Variants in RGS22 observed in about 807,000 individuals in gnomAD.
RGS22 encodes the protein regulator of G-protein signaling 22.
RGS22 carries 148 observed loss-of-function variants against 172.9 expected under a neutral mutation model. That is an observed-to-expected ratio of 0.86 (90% CI 0.75 to 0.98). RGS22 has a LOEUF of 0.98. RGS22 is among the 50% of genes least tolerant of loss of function. The probability of loss-of-function intolerance (pLI) is 0.00; values close to 1 mark genes in which losing one functional copy is unlikely to be tolerated. For synonymous variants in RGS22, 458 were observed against 480.2 expected (o/e 0.95, Z 0.60); for missense variants, 1,347 against 1,440.8 (o/e 0.93, Z 1.05).
intron 21 of RGS22, 60 bp downstream of exon 21, chr8:99,987,397 TG>T (rs1813210604): frequency 7.6e-7 from 1 of 1,322,484 alleles, no homozygotes; most frequent in Non-Finnish European, 1.0e-6. Context: ...GTTAAAAATC[TG>T]ACATTTTAAT....
At chr8:100,073,442 CAA>C (rs1021313792) in intron 4 of RGS22, among the ~76,000 whole-genome samples, 3 of 140,984 alleles carry the variant, frequency 2.1e-5, no homozygotes, top group African/African-American at 7.9e-5. Flanking sequence ...AAAAAAAAAA[CAA>C]AAAAAACATG....
intron 14 of RGS22, among the ~76,000 whole-genome samples, chr8:100,022,213 A>G (rs997813918): frequency 6.6e-6 from 1 of 152,202 alleles, no homozygotes; most frequent in African/African-American, 2.4e-5. Context: ...GAGGCAAACT[A>G]CTGCAGAGAT....
rs767475783 is a variant in RGS22, at chr8:100,063,752, G to T, written c.1016C>A (p.Thr339Asn). The T allele has an allele frequency of 8.1e-6, 13 of 1,613,918 alleles. No individual in the cohort carries two copies. Among genetic ancestry groups the T allele is most frequent in the Admixed American group, 6.7e-5 (4 of 59,992 alleles). ...ATTGTTGAAGTTTATATAGTCTGGG[G>T]TTTCTCCAACTGGCTTTCCAACAAT... ...QQIVGKPVGE[T>N]PDYINFNNIT... Residue 339 changes from threonine to asparagine, a missense_variant, in exon 8 of 28, where the codon ACC (threonine) becomes AAC (asparagine). Physicochemically the swap from Thr to Asn is moderately conservative, Grantham distance 65. Transcript: ENST00000360863.
chr8:100,055,635 T>A (rs1182135649), intron 9 of RGS22, among the ~76,000 whole-genome samples: 3 of 152,206 alleles, frequency 2.0e-5, no homozygotes, highest in African/African-American at 7.2e-5. Flanking sequence ...AGGGATCCGA[T>A]GGGAGGTAAC....
chr8:100,063,472 C>A lies in RGS22; in HGVS notation c.1296G>T (p.Trp432Cys), dbSNP rs761792142. Residue 432 changes from tryptophan (W) to cysteine (C), a missense_variant, in exon 8 of 28, where the codon TGG becomes TGT. By Grantham distance (215) the Trp-to-Cys change is radical (BLOSUM62 -2). Transcript: ENST00000360863. ...IKGTLGERYW[W>C]LWMDIERLKV... Reference sequence around the variant, plus strand: ...TTAACCTCTCAATATCCATCCATAGCCACCAATATCTCTCTCCCAATGTAC... The same window carrying A: ...TTAACCTCTCAATATCCATCCATAGACACCAATATCTCTCTCCCAATGTAC... The A allele has an allele frequency of 1.4e-5, 22 of 1,612,994 alleles. No individual in the cohort carries two copies. The highest frequency in any genetic ancestry group is 1.8e-5 in the Non-Finnish European group (21 of 1,179,220).
chr8:100,080,577 G>T, intron 3 of RGS22: 1 of 487,162 alleles, frequency 2.1e-6, no homozygotes, highest in East Asian at 3.6e-5. Context: ...GTAAGTGTCA[G>T]GGTATGCTAT....
chr8:100,057,461 C>T (rs905936725), intron 9 of RGS22, among the ~76,000 whole-genome samples: 8 of 152,156 alleles, frequency 5.3e-5, no homozygotes, highest in African/African-American at 1.9e-4. Context: ...TGTGTCCCCA[C>T]CCAAATCTCA....
intron 14 of RGS22, among the ~76,000 whole-genome samples, chr8:100,017,721 T>C (rs1817158533): frequency 6.6e-6 from 1 of 152,156 alleles, no homozygotes. Context: ...TTGATATAAA[T>C]TGACTTTAAG....
At chr8:99,964,316 T>C (rs1392856270) in intron 24 of RGS22, among the ~76,000 whole-genome samples, 2 of 151,906 alleles carry the variant, frequency 1.3e-5, no homozygotes, top group African/African-American at 4.8e-5. Context: ...TAGCCAGGCA[T>C]GGTGGTGTGC....
chr8:99,962,017 A>G (rs1810251567), intron 27 of RGS22, among the ~76,000 whole-genome samples: 2 of 152,146 alleles, frequency 1.3e-5, no homozygotes, highest in Non-Finnish European at 2.9e-5. Flanking sequence ...TCAAAACTGT[A>G]TAATCACCTC....
intron 15 of RGS22, among the ~76,000 whole-genome samples, chr8:100,007,324 T>G (rs761451654): frequency 2.6e-5 from 4 of 152,196 alleles, no homozygotes; most frequent in Non-Finnish European, 5.9e-5. Flanking sequence ...TATACATAGA[T>G]GGTTTTAATT....
At chr8:100,105,842 G>A (rs1327086148) in intron 1 of RGS22, 55 bp downstream of exon 1, 4 of 1,428,346 alleles carry the variant, frequency 2.8e-6, no homozygotes, top group Non-Finnish European at 3.8e-6. Context: ...GCTGGCGCGT[G>A]GTGCGGCCCC....
intron 3 of RGS22, among the ~76,000 whole-genome samples, chr8:100,086,823 C>T (rs971850203): frequency 1.3e-5 from 2 of 152,122 alleles, no homozygotes; most frequent in African/African-American, 2.4e-5. Flanking sequence ...ATCATTCTAA[C>T]GCATGCACAT....
intron 4 of RGS22, among the ~76,000 whole-genome samples, chr8:100,075,092 A>G (rs186836038): frequency 6.6e-6 from 1 of 152,088 alleles, no homozygotes. Flanking sequence ...TTGTGTGAGT[A>G]TAACTTTTCA....
chr8:100,102,392 T>C (rs568003431), intron 2 of RGS22, among the ~76,000 whole-genome samples: 6 of 152,168 alleles, frequency 3.9e-5, no homozygotes, highest in Non-Finnish European at 8.8e-5. Context: ...AGAATGGAGT[T>C]TGGGGAACTA....
chr8:100,079,897 C>T (rs980593797), intron 4 of RGS22, among the ~76,000 whole-genome samples: 8 of 152,064 alleles, frequency 5.3e-5, no homozygotes, highest in Admixed American at 1.3e-4. Flanking sequence ...TCAAAACTAA[C>T]CTAATATTCA....
rs143018507 is a variant in RGS22, at chr8:100,029,531, G to A, written c.2166+9400C>T. Among the ~76,000 whole-genome samples, 24 of 151,796 alleles carry A rather than the reference G, an allele frequency of 1.6e-4. No homozygotes were observed. The East Asian group carries it at 2.7e-3, about 17-fold the overall frequency. ...AGCCTGACCAGCATGGTGAAACCCC[G>A]TCTCTACTAAAAATACAAAACATTA... On this transcript the variant is annotated intron_variant, in intron 14 of 27. Coordinates refer to ENST00000360863, the MANE Select transcript of RGS22 (RefSeq NM_015668.5).
chr8:99,997,324 A>T (rs1419176402), intron 19 of RGS22, among the ~76,000 whole-genome samples: 1 of 152,242 alleles, frequency 6.6e-6, no homozygotes, highest in Non-Finnish European at 1.5e-5. Flanking sequence ...TACAGTGATA[A>T]ACATAATGAG....
At chr8:100,014,052 C>T (rs910924258) in intron 14 of RGS22, among the ~76,000 whole-genome samples, 2 of 152,204 alleles carry the variant, frequency 1.3e-5, no homozygotes, top group African/African-American at 2.4e-5. Flanking sequence ...TGTATTCTTA[C>T]ACTTCTTCAC....
Sources: allele counts gnomAD v4.1 joint callset (sites outside exome capture counted in the v4.1 genomes callset), GRCh38; gene constraint gnomAD v4.1.1; transcripts MANE v1.5; gene names NCBI Gene and HGNC (gene_info 2026-07-23, HGNC 2026-07-21).